The following BSDC1 variants were observed in gnomAD, a reference collection of about 807,000 sequenced individuals.
BSDC1 encodes BSD domain containing 1, also known as BSD domain-containing protein 1.
A neutral mutation model predicts 56.0 loss-of-function variants in BSDC1; 29 were observed. That is an observed-to-expected ratio of 0.52 (90% CI 0.39 to 0.71). BSDC1 has a LOEUF of 0.71. Among genes scored for constraint, BSDC1 ranks in the 30% least tolerant of loss-of-function variants. BSDC1 has a pLI of 0.00. For synonymous variants in BSDC1, 210 were observed against 215.3 expected (o/e 0.98, Z 0.21); for missense variants, 477 against 548.5 (o/e 0.87, Z 1.30).
At position 32,394,101 on chromosome 1, in the gene BSDC1, G is replaced by T; in HGVS notation, c.51C>A (p.Ser17Arg). Residue 17 changes from serine to arginine, a missense_variant, in exon 2 of 11, where the codon AGC (serine) becomes AGA (arginine). By Grantham distance (110) the Ser-to-Arg change is moderately radical. Transcript: ENST00000455895. ...TTACCTTCTCTTTGACTGCTTGGTAGCTCTGCTGCAGCCAGCTCCGCCACC... is the reference window on the plus strand; with the variant it reads ...TTACCTTCTCTTTGACTGCTTGGTATCTCTGCTGCAGCCAGCTCCGCCACC... ...VGWWRSWLQQ[S>R]YQAVKEKSSE... 1.2e-6 allele frequency: 2 copies of T among 1,610,364 alleles called. No individual in the cohort carries two copies. Among genetic ancestry groups the T allele is most frequent in the Non-Finnish European group, 1.7e-6 (2 of 1,178,582 alleles).
At chr1:32,372,372 T>G (rs967934337) in intron 9 of BSDC1, among the ~76,000 whole-genome samples, 2 of 152,250 alleles carry the variant, frequency 1.3e-5, no homozygotes, top group Admixed American at 6.5e-5. Flanking sequence ...GTTGTGGCCA[T>G]GACAGCTTTC....
intron 4 of BSDC1, among the ~76,000 whole-genome samples, chr1:32,381,990 G>A (rs372689818): frequency 2.0e-4 from 30 of 152,302 alleles, no homozygotes; most frequent in African/African-American, 7.2e-4. Flanking sequence ...ACTCTGGGAG[G>A]CCAAGGTAGG....
chr1:32,378,766 G>C lies in BSDC1; in HGVS notation c.486C>G (p.Leu162=). The C allele has an allele frequency of 6.5e-7, 1 of 1,548,062 alleles. No individual in the cohort carries two copies. Among genetic ancestry groups the C allele is most frequent in the South Asian group, 1.2e-5 (1 of 82,860 alleles). ...CCCGGATGGAGGGGCTGCCTACAAG[G>C]AGCTCTGAGATCTCCCCCTTCTTCT... ...LEEKKGEISE[L]LVGSPSIRAL... is the part of the protein sequence containing the mutation. The change falls in exon 6 of 11, where the codon CTC becomes CTG. Residue 162 remains leucine, a synonymous_variant. Coordinates refer to ENST00000455895, the MANE Select transcript of BSDC1 (RefSeq NM_018045.8). The surrounding 1 kb of genome is among the most constrained non-coding windows in gnomAD (Gnocchi z 5.2).
rs749248883 is a variant in BSDC1 at position 32,376,862 on chromosome 1, G to C, written c.677-121C>G. On this transcript the variant is annotated intron_variant, in intron 8 of 10. Transcript: ENST00000455895. ...GATCAAGACTCAAGCCGGGCATGGT[G>C]GCTCACACCTGTAATCCCACCACTT... 38 of 1,144,764 alleles carry C rather than the reference G, an allele frequency of 3.3e-5. 1 individual carries two copies. Among genetic ancestry groups the C allele is most frequent in the Admixed American group, 1.2e-4 (3 of 25,502 alleles). 70.9% of individuals were successfully genotyped at this position (1,144,764 alleles called of 1,614,324 possible).
At chr1:32,387,608 T>G (rs1337070937) in intron 2 of BSDC1, among the ~76,000 whole-genome samples, 1 of 152,230 alleles carries the variant, frequency 6.6e-6, no homozygotes, top group Non-Finnish European at 1.5e-5. Context: ...CCCAAAGTGT[T>G]GAGATTATAG....
chr1:32,375,101 G>A (rs981909472), intron 9 of BSDC1, among the ~76,000 whole-genome samples: 4 of 151,956 alleles, frequency 2.6e-5, no homozygotes, highest in Admixed American at 6.6e-5. Flanking sequence ...GCAGTGAGCC[G>A]AGATCGCGCC....
At chr1:32,375,464 TC>T (rs980337594) in intron 9 of BSDC1, among the ~76,000 whole-genome samples, 77 of 152,164 alleles carry the variant, frequency 5.1e-4, no homozygotes, top group African/African-American at 1.8e-3. Context: ...TAATCAGCCG[TC>T]CCTGAAGTGG....
chr1:32,389,351 C>T (rs1642787041), intron 2 of BSDC1, among the ~76,000 whole-genome samples: 3 of 152,206 alleles, frequency 2.0e-5, no homozygotes, highest in African/African-American at 7.2e-5. Context: ...CAGTATCTGA[C>T]ACAGAGCATA....
In BSDC1 at chr1:32,383,415, C is replaced by G. The variant is rs1570148329; in HGVS notation, c.357+415G>C. 2.0e-5 allele frequency among the ~76,000 whole-genome samples: 3 copies of G among 149,250 alleles called. No individual in the cohort carries two copies. The South Asian group carries it at 6.4e-4, about 32-fold the overall frequency. ...GAGCCATGATTGTGCCACTGAGCCC[C>G]AGAGAGAGCTTGGGTGACAGAGTGA... On this transcript the variant is annotated intron_variant, in intron 4 of 10. Transcript: ENST00000455895.
intron 2 of BSDC1, among the ~76,000 whole-genome samples, chr1:32,389,229 T>G (rs1642782917): frequency 6.6e-6 from 1 of 152,186 alleles, no homozygotes; most frequent in South Asian, 2.1e-4. Context: ...ATCTCTTTTC[T>G]AACACTGAAC....
At position 32,376,513 on chromosome 1, in the gene BSDC1, G is replaced by A; in HGVS notation, c.905C>T (p.Pro302Leu). 1.3e-6 allele frequency: 2 copies of A among 1,596,234 alleles called. No individual in the cohort carries two copies. The highest frequency in any genetic ancestry group is 1.7e-6 in the Non-Finnish European group (2 of 1,167,792). Residue 302 changes from proline to leucine, a missense_variant, in exon 9 of 11, where the codon CCC becomes CTC. Physicochemically the swap from Pro to Leu is moderately conservative, Grantham distance 98. Coordinates refer to ENST00000455895, the MANE Select transcript of BSDC1 (RefSeq NM_018045.8). The stretch of plus-strand genomic sequence containing the variant: ...TAGCAGCTTTTGGGACAGGTCCTTG[G>A]GTAGCACTCGTGCCTCAGGTGCAGT... ...PATAPEARVL[P>L]KDLSQKLLEA...
intron 4 of BSDC1, 107 bp from the exon 5 acceptor site, chr1:32,381,375 G>A: frequency 1.8e-6 from 2 of 1,120,130 alleles, no homozygotes; most frequent in South Asian, 1.3e-5. Flanking sequence ...CTTCTCCCTT[G>A]TTGGCTGGGA....
chr1:32,386,674 T>C (rs1167217873), intron 3 of BSDC1, 105 bp downstream of exon 3: 3 of 685,686 alleles, frequency 4.4e-6, no homozygotes, highest in Non-Finnish European at 4.6e-6. Flanking sequence ...TCCACATATT[T>C]TTCCCCATAT....
chr1:32,377,904 C>G, intron 8 of BSDC1, 66 bp downstream of exon 8: 1 of 1,486,676 alleles, frequency 6.7e-7, no homozygotes, highest in South Asian at 1.3e-5. Flanking sequence ...CTTCAGAGAG[C>G]ATGGCCCAGC....
chr1:32,385,699 C>CG (rs1164425783), intron 3 of BSDC1, among the ~76,000 whole-genome samples: 1 of 152,136 alleles, frequency 6.6e-6, no homozygotes, highest in Non-Finnish European at 1.5e-5. Context: ...TGCACTCCAG[C>CG]CTGGGCAAGA....
intron 9 of BSDC1, among the ~76,000 whole-genome samples, chr1:32,375,013 A>C (rs935655692): frequency 1.3e-5 from 2 of 152,106 alleles, no homozygotes; most frequent in Non-Finnish European, 2.9e-5. Context: ...TTAGCCGGGC[A>C]TGATAGCATG....
rs760674758 is a variant in BSDC1, at chr1:32,378,062, A to AG, written c.598-15dup. ...CCGGGCCTGCTCCTGAATGTGGGGG[A>AG]GCAGAAGGCCACAGGCAGTCAGGGC... On this transcript the variant is annotated splice_polypyrimidine_tract_variant and intron_variant, in intron 7 of 10. Transcript: ENST00000455895. The surrounding 1 kb of genome is among the most constrained non-coding windows in gnomAD (Gnocchi z 5.2). 7 of 1,603,056 alleles carry AG rather than the reference A, an allele frequency of 4.4e-6. No individual in the cohort carries two copies. The South Asian group carries it at 7.8e-5, about 18-fold the overall frequency.
intron 9 of BSDC1, among the ~76,000 whole-genome samples, chr1:32,371,154 C>T (rs1187403186): frequency 6.6e-6 from 1 of 152,080 alleles, no homozygotes; most frequent in African/African-American, 2.4e-5. Context: ...AAGATTCCAG[C>T]TTTAAAATGT....
At chr1:32,368,101 G>A (rs778408493) in intron 10 of BSDC1, 51 of 1,339,380 alleles carry the variant, frequency 3.8e-5, no homozygotes, top group African/African-American at 9.0e-5. Context: ...TGAACTCCTC[G>A]CCTCAAGCAA....
Sources: allele counts gnomAD v4.1 joint callset (sites outside exome capture counted in the v4.1 genomes callset), GRCh38; gene constraint gnomAD v4.1.1; non-coding constraint Gnocchi (gnomAD v3.1); transcripts MANE v1.5; gene names NCBI Gene and HGNC (gene_info 2026-07-23, HGNC 2026-07-21).